Variants in EP400 observed in about 807,000 individuals in gnomAD.
EP400 encodes E1A-binding protein p400.
EP400 carries 105 observed loss-of-function variants against 354.1 expected under a neutral mutation model. The ratio of observed to expected loss-of-function variants is 0.30; its 90% confidence interval spans 0.25 to 0.35. The LOEUF (loss-of-function observed/expected upper bound fraction) is 0.35, where lower values mean the gene tolerates loss of function less well. Among genes scored for constraint, EP400 ranks in the 10% least tolerant of loss-of-function variants. The pLI is 1.00. For synonymous variants in EP400, 1,646 were observed against 1,716.9 expected, an observed-to-expected ratio of 0.96 and a Z score of 1.02; for missense variants, 3,280 against 4,121.0, an observed-to-expected ratio of 0.80 and a Z score of 5.59.
chr12:132,009,681 G>T (rs1322666346), intron 15 of EP400, among the ~76,000 whole-genome samples: 1 of 152,112 alleles, frequency 6.6e-6, no homozygotes, highest in African/African-American at 2.4e-5. Context: ...ATCAGTGCAG[G>T]TGTTGGTACA....
chr12:132,045,386 C>A lies in EP400; in HGVS notation c.6852C>A (p.Arg2284=), dbSNP rs779846993. The A allele has an allele frequency of 6.2e-7, 1 of 1,614,082 alleles. No homozygotes were observed. Among genetic ancestry groups the A allele is most frequent in the Non-Finnish European group, 8.5e-7 (1 of 1,180,052 alleles). Residue 2284 remains arginine (R), a synonymous_variant, in exon 38 of 53, where the codon CGC becomes CGA. Coordinates refer to ENST00000389561, the MANE Select transcript of EP400 (RefSeq NM_015409.5). ...TCCCTCCTCGGTCCCTGTTTGACCG[C>A]GCAACACCAGGACTTCTGAAAATTC... ...AVVPPRSLFD[R]ATPGLLKIRR...
intron 2 of EP400, chr12:131,963,697 G>T: frequency 1.4e-6 from 2 of 1,447,854 alleles, no homozygotes; most frequent in Non-Finnish European, 9.4e-7. Flanking sequence ...CCTTCATCCA[G>T]ATATTTTAAC....
chr12:131,979,681 T>A lies in EP400; in HGVS notation c.1336-13T>A, dbSNP rs759065430. ...CAGTGATCAAAATCTCATTTTTTCA[T>A]CTTTTTTCCCAGCAGCAAGCCCTCG... On this transcript the variant is annotated splice_polypyrimidine_tract_variant and intron_variant, in intron 2 of 52. Transcript: ENST00000389561. 6.3e-7 allele frequency: 1 copy of A among 1,599,350 alleles called. No homozygotes were observed. Among genetic ancestry groups the A allele is most frequent in the South Asian group, 1.1e-5 (1 of 88,586 alleles).
chr12:132,079,936 C>G lies in EP400; in HGVS notation c.*2263C>G, dbSNP rs951042267. On this transcript the variant is annotated 3_prime_UTR_variant, in exon 53 of 53. Transcript: ENST00000389561. ...TAGTGTGTTATTTTCTTGGCCTTCC[C>G]TTTTAAAGGTTAAAGTTTCTAACCT... The G allele has an allele frequency of 1.3e-5, 2 of 152,218 alleles. No homozygotes were observed. Among genetic ancestry groups the G allele is most frequent in the African/African-American group, 4.8e-5 (2 of 41,458 alleles). The allele number at this position is 152,218 out of a possible 1,614,324, so 9.4% of individuals were successfully genotyped here.
At chr12:131,967,729 C>T (rs1892152532) in intron 2 of EP400, among the ~76,000 whole-genome samples, 1 of 151,852 alleles carries the variant, frequency 6.6e-6, no homozygotes, top group Non-Finnish European at 1.5e-5. Context: ...AACTTCCAAA[C>T]TTTCTCAAAG....
In EP400 at chr12:131,963,598, C is replaced by T. The variant is rs188813496; in HGVS notation, c.1335+1644C>T. The T allele has an allele frequency of 9.8e-5, 156 of 1,598,414 alleles. 1 individual carries two copies. The Admixed American group carries it at 2.5e-3, about 25-fold the overall frequency. On this transcript the variant is annotated intron_variant, in intron 2 of 52. Transcript: ENST00000389561. ...CGTTGCTATAGCAACCCAGCTTCCG[C>T]CAAAGGTTTCTGCTGCTTTTTCATC...
Position 132,018,156 on chromosome 12 carries a change from A to C in EP400, c.4111-54A>C. ...GCCATAGAAATCAGTTTTGATTCTTAGGTGCTTTTTTTGCCTCTTCATGCA... is the reference window on the plus strand; with the variant it reads ...GCCATAGAAATCAGTTTTGATTCTTCGGTGCTTTTTTTGCCTCTTCATGCA... On this transcript the variant is annotated intron_variant, in intron 20 of 52. Coordinates refer to ENST00000389561, the MANE Select transcript of EP400 (RefSeq NM_015409.5). This position sits in a 1 kb window ranked among gnomAD's most constrained non-coding sequence, Gnocchi z 4.0. The C allele has an allele frequency of 1.9e-6, 3 of 1,596,782 alleles. No homozygotes were observed. The highest frequency in any genetic ancestry group is 2.2e-5 in the East Asian group (1 of 44,796).
chr12:131,967,854 A>G (rs1168626397), intron 2 of EP400, among the ~76,000 whole-genome samples: 2 of 152,004 alleles, frequency 1.3e-5, no homozygotes, highest in African/African-American at 2.4e-5. Context: ...GGTCTAGTTT[A>G]TTTTAATTTG....
In EP400 at chr12:132,037,754, T is replaced by C; in HGVS notation, c.6024T>C (p.Ala2008=). Residue 2008 remains alanine (A), a synonymous_variant, in exon 31 of 53, where the codon GCT becomes GCC. Coordinates refer to ENST00000389561, the MANE Select transcript of EP400 (RefSeq NM_015409.5). ...NGTKDLIREV[A]AQGNDYSMAF... The stretch of plus-strand genomic sequence containing the variant: ...CTAAAGATCTGATCCGAGAAGTGGC[T>C]GCTCAGGGAAATGACTACTCCATGG... 6.2e-7 allele frequency: 1 copy of C among 1,614,222 alleles called. No individual in the cohort carries two copies. The highest frequency in any genetic ancestry group is 1.3e-5 in the African/African-American group (1 of 75,046).
At position 132,077,466 on chromosome 12, in the gene EP400, T is replaced by C. The variant is rs777308799; in HGVS notation, c.9165T>C (p.Pro3055=). ...TAAGQQVQMI[P]AVTATAQVVQ... ...CCGGGCAGCAGGTGCAGATGATCCC[T>C]GCAGTGACCGCGACTGCCCAGGTGG... The change falls in exon 53 of 53, where the codon CCT becomes CCC. Residue 3055 remains proline, a synonymous_variant. Coordinates refer to ENST00000389561, the MANE Select transcript of EP400 (RefSeq NM_015409.5). The C allele has an allele frequency of 9.3e-6, 15 of 1,613,444 alleles. No individual in the cohort carries two copies. The South Asian group carries it at 1.6e-4, about 18-fold the overall frequency.
intron 1 of EP400, among the ~76,000 whole-genome samples, chr12:131,950,435 C>G (rs1202740633): frequency 6.6e-6 from 1 of 152,186 alleles, no homozygotes; most frequent in Non-Finnish European, 1.5e-5. Flanking sequence ...CTTGCGTGGG[C>G]TTCCCTCGGG....
rs1469906958 is a variant in EP400, at chr12:132,020,933, G to A, written c.4448-146G>A. The A allele has an allele frequency of 3.7e-6, 4 of 1,084,552 alleles. No homozygotes were observed. The Admixed American group carries it at 1.3e-4, about 34-fold the overall frequency. 67.2% of individuals were successfully genotyped at this position (1,084,552 alleles called of 1,614,324 possible). On this transcript the variant is annotated intron_variant, in intron 22 of 52. Transcript: ENST00000389561. The stretch of plus-strand genomic sequence containing the variant: ...TTTCTCTCACCCTGTAAACTATATG[G>A]CCCCTCTTTTTTTCCTTAAGAGGGG...
intron 2 of EP400, among the ~76,000 whole-genome samples, chr12:131,974,987 C>CAAAA (rs764013155): frequency 8.1e-4 from 35 of 43,250 alleles, no homozygotes; most frequent in Middle Eastern, 8.9e-3. Context: ...GACTCCATCT[C>CAAAA]AAAAAAAAAA....
intron 14 of EP400, 98 bp from the exon 15 acceptor site, chr12:132,006,602 T>C (rs1893590094): frequency 2.4e-6 from 3 of 1,245,756 alleles, no homozygotes; most frequent in Non-Finnish European, 1.1e-6. Context: ...TGTGGCTTTC[T>C]AATTGGTTTA....
chr12:132,077,458 A>G lies in EP400; in HGVS notation c.9157A>G (p.Met3053Val), dbSNP rs1896271630. The G allele has an allele frequency of 6.2e-7, 1 of 1,613,302 alleles. No individual in the cohort carries two copies. Among genetic ancestry groups the G allele is most frequent in the Non-Finnish European group, 8.5e-7 (1 of 1,179,994 alleles). ...QATAAGQQVQ[M>V]IPAVTATAQV... ...GACGGCGGCCGGGCAGCAGGTGCAGATGATCCCTGCAGTGACCGCGACTGC... is the reference window on the plus strand; with the variant it reads ...GACGGCGGCCGGGCAGCAGGTGCAGGTGATCCCTGCAGTGACCGCGACTGC... The change falls in exon 53 of 53, where the codon ATG becomes GTG. Residue 3053 changes from methionine to valine, a missense_variant. By Grantham distance (21) the Met-to-Val change is conservative. Transcript: ENST00000389561.
Position 131,990,819 on chromosome 12 carries a change from C to A in EP400, c.2629+105C>A. ...CGCTGTGGCTTCCCACAGAGGACAT[C>A]TGCTCATCAGCCAGCTGCCTGATTG... On this transcript the variant is annotated intron_variant, in intron 9 of 52. Transcript: ENST00000389561. The surrounding 1 kb of genome is among the most constrained non-coding windows in gnomAD (Gnocchi z 4.2). 1 of 778,906 alleles carries A rather than the reference C, an allele frequency of 1.3e-6. No individual in the cohort carries two copies. The highest frequency in any genetic ancestry group is 2.5e-5 in the East Asian group (1 of 40,762). The allele number at this position is 778,906 out of a possible 1,614,324, so 48.2% of individuals were successfully genotyped here.
At chr12:131,975,521 CAAT>C (rs1238048929) in intron 2 of EP400, among the ~76,000 whole-genome samples, 1 of 152,052 alleles carries the variant, frequency 6.6e-6, no homozygotes, top group African/African-American at 2.4e-5. Flanking sequence ...TCTTCTCTCT[CAAT>C]AATCTTTTTT....
In EP400 at chr12:131,961,516, C is replaced by T. The variant is rs777417106; in HGVS notation, c.897C>T (p.Gly299=). 9.9e-5 allele frequency: 156 copies of T among 1,578,844 alleles called. 2 individuals carry two copies. Among genetic ancestry groups the T allele is most frequent in the Admixed American group, 2.9e-4 (16 of 55,864 alleles). Reference sequence around the variant, plus strand: ...CCCTGGGCTTCGAGAGGACACCCGGCGTGCTGCTCCCCGGGGCTGGGGGCG... The same window carrying T: ...CCCTGGGCTTCGAGAGGACACCCGGTGTGCTGCTCCCCGGGGCTGGGGGCG... ...PRPLGFERTP[G]VLLPGAGGAA... is the part of the protein sequence containing the mutation. The change falls in exon 2 of 53, where the codon GGC becomes GGT. Residue 299 remains glycine, a synonymous_variant. Coordinates refer to ENST00000389561, the MANE Select transcript of EP400 (RefSeq NM_015409.5).
At position 132,025,192 on chromosome 12, in the gene EP400, A is replaced by G. The variant is rs1478245594; in HGVS notation, c.4856-454A>G. Reference sequence around the variant, plus strand: ...GAAACTATCTTCTCCAGAGTAAAAGAAGTCAGAAAGATGTAGTCACACAAG... The same window carrying G: ...GAAACTATCTTCTCCAGAGTAAAAGGAGTCAGAAAGATGTAGTCACACAAG... On this transcript the variant is annotated intron_variant, in intron 24 of 52. Coordinates refer to ENST00000389561, the MANE Select transcript of EP400 (RefSeq NM_015409.5). The surrounding 1 kb of genome is among the most constrained non-coding windows in gnomAD (Gnocchi z 4.1). Among the ~76,000 whole-genome samples the G allele has an allele frequency of 6.6e-6, 1 of 152,158 alleles. No homozygotes were observed. The highest frequency in any genetic ancestry group is 2.4e-5 in the African/African-American group (1 of 41,438).
Sources: allele counts gnomAD v4.1 joint callset (sites outside exome capture counted in the v4.1 genomes callset), GRCh38; gene constraint gnomAD v4.1.1; non-coding constraint Gnocchi (gnomAD v3.1); transcripts MANE v1.5; gene names NCBI Gene and HGNC (gene_info 2026-07-23, HGNC 2026-07-21).